Variants in TMPRSS15 observed in about 807,000 individuals in gnomAD.
The protein encoded by TMPRSS15 is enteropeptidase.
TMPRSS15 carries 128 observed loss-of-function variants against 125.3 expected under a neutral mutation model. The observed-to-expected ratio is 1.02, with a 90% CI of 0.89 to 1.18. The LOEUF is 1.18. Ranked by LOEUF, TMPRSS15 falls within the 50% of genes most tolerant of loss-of-function variation. The pLI, the probability that TMPRSS15 is intolerant of heterozygous loss-of-function variation, is 0.00. For synonymous variants in TMPRSS15, 446 were observed against 423.2 expected, an observed-to-expected ratio of 1.05 and a Z score of -0.66; for missense variants, 1,283 against 1,212.7, an observed-to-expected ratio of 1.06 and a Z score of -0.86.
chr21:18,444,510 G>A (rs1479986967), intron 1 of TMPRSS15, among the ~76,000 whole-genome samples: 1 of 152,124 alleles, frequency 6.6e-6, no homozygotes, highest in Non-Finnish European at 1.5e-5. Flanking sequence ...GGGAGGGATA[G>A]CATTAAGAGA....
In TMPRSS15 at chr21:18,297,746, A is replaced by G. The variant is rs368498314; in HGVS notation, c.2249T>C (p.Ile750Thr). The G allele has an allele frequency of 4.3e-6, 7 of 1,613,220 alleles. No individual in the cohort carries two copies. In the East Asian group the frequency reaches 1.6e-4, roughly 36 times the overall value. Residue 750 changes from isoleucine to threonine, a missense_variant, in exon 19 of 25, where the codon ATA (isoleucine) becomes ACA (threonine). By Grantham distance (89) the Ile-to-Thr change is moderately conservative. Transcript: ENST00000284885. ...TTTAGGGACCCACCTGGGTGTTAGT[A>G]TTAAGTGGCCATCAGGTGCTGTGTT... The part of the protein sequence containing the change: ...KLNTAPDGHL[I>T]LTPSQQCLQD...
At chr21:18,357,276 T>C (rs879591832) in intron 8 of TMPRSS15, among the ~76,000 whole-genome samples, 1 of 151,906 alleles carries the variant, frequency 6.6e-6, no homozygotes. Context: ...CACTCTATTT[T>C]GATTTACTTC....
intron 6 of TMPRSS15, among the ~76,000 whole-genome samples, chr21:18,371,384 TG>T (rs145279342): frequency 0.018 from 2,717 of 152,292 alleles, 79 homozygotes; most frequent in African/African-American, 0.062. Flanking sequence ...TCTTCTTAAA[TG>T]TGTTACACAC....
chr21:18,480,004 A>G (rs1197562227), intron 1 of TMPRSS15, among the ~76,000 whole-genome samples: 1 of 152,024 alleles, frequency 6.6e-6, no homozygotes, highest in East Asian at 1.9e-4. Context: ...CCCATCAATG[A>G]TAGACTGGAT....
intron 13 of TMPRSS15, among the ~76,000 whole-genome samples, chr21:18,337,856 A>C (rs1477375440): frequency 1.3e-5 from 2 of 152,244 alleles, no homozygotes; most frequent in African/African-American, 4.8e-5. Context: ...AACCAATTGC[A>C]AATGGCATTA....
At chr21:18,373,315 T>A (rs1030149409) in intron 5 of TMPRSS15, among the ~76,000 whole-genome samples, 10 of 152,146 alleles carry the variant, frequency 6.6e-5, no homozygotes, top group African/African-American at 2.4e-4. Flanking sequence ...TAGACATTTG[T>A]AACTGGCTGT....
intron 1 of TMPRSS15, among the ~76,000 whole-genome samples, chr21:18,480,542 T>C (rs1978963857): frequency 6.6e-6 from 1 of 151,834 alleles, no homozygotes; most frequent in Non-Finnish European, 1.5e-5. Context: ...GTTTAGTTTG[T>C]AAGTAAAGAT....
In TMPRSS15 at chr21:18,365,053, C is replaced by T. The variant is rs749308875; in HGVS notation, c.773+87G>A. 7.4e-5 allele frequency: 84 copies of T among 1,127,756 alleles called. No individual in the cohort carries two copies. In the Middle Eastern group the frequency reaches 2.0e-3, roughly 27 times the overall value. 69.9% of individuals were successfully genotyped at this position (1,127,756 alleles called of 1,614,324 possible). A position where few individuals can be genotyped will look rare whatever the true frequency, so the allele number is the denominator to read the frequency against. On this transcript the variant is annotated intron_variant, in intron 7 of 24. Coordinates refer to ENST00000284885, the MANE Select transcript of TMPRSS15 (RefSeq NM_002772.3). ...TTCATAGTTAATGAAAACAATGATTCTTTAAAAAACTACTGAAAGCAATAA... is the reference window on the plus strand; with the variant it reads ...TTCATAGTTAATGAAAACAATGATTTTTTAAAAAACTACTGAAAGCAATAA...
At chr21:18,330,538 C>T (rs1302337575) in intron 14 of TMPRSS15, among the ~76,000 whole-genome samples, 1 of 152,150 alleles carries the variant, frequency 6.6e-6, no homozygotes, top group East Asian at 1.9e-4. Flanking sequence ...AGAGTCCTGC[C>T]TTTACCCTTA....
chr21:18,277,026 A>G (rs1292346683), intron 23 of TMPRSS15, among the ~76,000 whole-genome samples: 5 of 151,964 alleles, frequency 3.3e-5, no homozygotes. Flanking sequence ...TCAGCCTCCC[A>G]AAGTGTTGGG....
At chr21:18,343,465 C>T (rs943881549) in intron 12 of TMPRSS15, 41 bp downstream of exon 12, 7 of 1,519,790 alleles carry the variant, frequency 4.6e-6, no homozygotes, top group Admixed American at 3.4e-5. Flanking sequence ...TGTTCCACCA[C>T]AAAAAGGATA....
At chr21:18,445,649 G>A (rs1237641663) in intron 1 of TMPRSS15, among the ~76,000 whole-genome samples, 1 of 152,074 alleles carries the variant, frequency 6.6e-6, no homozygotes, top group South Asian at 2.1e-4. Context: ...ATGCCACAAT[G>A]TTTCAACAGA....
At chr21:18,331,443 A>T (rs1351054451) in intron 14 of TMPRSS15, among the ~76,000 whole-genome samples, 1 of 152,196 alleles carries the variant, frequency 6.6e-6, no homozygotes, top group Non-Finnish European at 1.5e-5. Context: ...CACAATCTTT[A>T]TGTATCTTTA....
rs540004490 is a variant in TMPRSS15 at position 18,419,220 on chromosome 21, C to CTTT, written c.11-20894_11-20892dup. Among the ~76,000 whole-genome samples the CTTT allele has an allele frequency of 5.9e-3, 642 of 108,600 alleles. 1 individual carries two copies. The highest frequency in any genetic ancestry group is 0.012 in the East Asian group (39 of 3,288). 71.2% of individuals were successfully genotyped at this position (108,600 alleles called of 152,430 possible). ...TGATAAGCAATATGTGACATTTCCT[C>CTTT]TTTTTTTTTTTTTTTTTTTTTTTGA... On this transcript the variant is annotated intron_variant, in intron 1 of 7. Coordinates refer to the TMPRSS15 transcript ENST00000422787.
intron 5 of TMPRSS15, among the ~76,000 whole-genome samples, chr21:18,375,089 C>G (rs953794179): frequency 1.3e-5 from 2 of 152,194 alleles, no homozygotes; most frequent in African/African-American, 2.4e-5. Context: ...CACTCTGTCT[C>G]TCTCCAAACT....
chr21:18,281,157 A>G lies in TMPRSS15; in HGVS notation c.2551T>C (p.Ser851Pro). 5.6e-6 allele frequency: 9 copies of G among 1,613,984 alleles called. No individual in the cohort carries two copies. Among genetic ancestry groups the G allele is most frequent in the Middle Eastern group, 1.7e-4 (1 of 6,060 alleles). The change falls in exon 22 of 25, where the codon TCT (serine) becomes CCT (proline). Residue 851 changes from serine to proline, a missense_variant. Physicochemically the swap from Ser to Pro is moderately conservative, Grantham distance 74 (BLOSUM62 -1). Transcript: ENST00000284885. Reference protein sequence around the residue: ...LGLHMKSNLTSPQTVPRLIDE... With the variant: ...LGLHMKSNLTPPQTVPRLIDE... Reference sequence around the variant, plus strand: ...ATTAATCGAGGGACTGTTTGAGGAGAGGTCAGATTTGATTTCATATGCAGG... The same window carrying G: ...ATTAATCGAGGGACTGTTTGAGGAGGGGTCAGATTTGATTTCATATGCAGG...
intron 1 of TMPRSS15, among the ~76,000 whole-genome samples, chr21:18,437,983 C>A (rs2123226129): frequency 6.6e-6 from 1 of 151,492 alleles, no homozygotes; most frequent in South Asian, 2.1e-4. Flanking sequence ...TGTGTATATA[C>A]CCAAAGGACT....
intron 1 of TMPRSS15, among the ~76,000 whole-genome samples, chr21:18,436,116 T>C (rs903033378): frequency 1.3e-5 from 2 of 151,590 alleles, no homozygotes; most frequent in Non-Finnish European, 2.9e-5. Flanking sequence ...AAGGGTTTTT[T>C]GTGTCTCTAT....
chr21:18,397,197 T>C (rs1433964156), intron 3 of TMPRSS15, among the ~76,000 whole-genome samples: 3 of 152,174 alleles, frequency 2.0e-5, no homozygotes, highest in Non-Finnish European at 4.4e-5. Context: ...GTTTGTAGTT[T>C]AGAAAACTTT....
Sources: gnomAD v4.1 joint callset for allele counts (sites outside exome capture counted in the v4.1 genomes callset) on GRCh38, gnomAD v4.1.1 for gene constraint, MANE v1.5 for transcripts, NCBI Gene and HGNC (gene_info 2026-07-23, HGNC 2026-07-21) for gene names.